PREX2: variants seen among roughly 807,000 people sequenced by gnomAD.
The protein encoded by PREX2 is phosphatidylinositol 3,4,5-trisphosphate-dependent Rac exchanger 2 protein.
PREX2 carries 107 observed loss-of-function variants against 203.2 expected under a neutral mutation model. The ratio of observed to expected loss-of-function variants is 0.53; its 90% CI spans 0.45 to 0.62. The LOEUF (loss-of-function observed/expected upper bound fraction) is 0.62. PREX2 is among the 20% of genes least tolerant of loss of function. The pLI, the probability that PREX2 is intolerant of heterozygous loss-of-function variation, is 0.00. For missense variants in PREX2, 1,777 were observed against 1,955.9 expected (o/e 0.91, Z 1.72); for synonymous variants, 672 against 663.6 (o/e 1.01, Z -0.19).
chr8:67,959,571 G>A (rs1320029543), intron 1 of PREX2, among the ~76,000 whole-genome samples: 1 of 152,160 alleles, frequency 6.6e-6, no homozygotes, highest in Non-Finnish European at 1.5e-5. Flanking sequence ...GGGAAGCATA[G>A]CAAGCACCCC....
chr8:68,200,100 A>G (rs1265696923), intron 37 of PREX2, among the ~76,000 whole-genome samples: 2 of 152,206 alleles, frequency 1.3e-5, no homozygotes, highest in African/African-American at 4.8e-5. Context: ...CAGTAACAAG[A>G]TTAGAGGAGA....
intron 14 of PREX2, among the ~76,000 whole-genome samples, chr8:68,076,685 T>TCACACACACA (rs57701553): frequency 0.046 from 6,573 of 143,506 alleles, 157 homozygotes; most frequent in East Asian, 0.069. Flanking sequence ...AACTCTAAGG[T>TCACACACACA]CACACACACA....
At chr8:68,044,445 T>C (rs1808284210) in intron 7 of PREX2, 42 bp from the exon 8 acceptor site, 2 of 1,364,572 alleles carry the variant, frequency 1.5e-6, no homozygotes, top group Non-Finnish European at 2.1e-6. Flanking sequence ...TTGTTTTACA[T>C]TGTTTAGTAA....
intron 37 of PREX2, among the ~76,000 whole-genome samples, chr8:68,197,982 C>T (rs1300040557): frequency 6.6e-6 from 1 of 151,822 alleles, no homozygotes; most frequent in Non-Finnish European, 1.5e-5. Flanking sequence ...CTATATGTTA[C>T]TGTTCAAATT....
At chr8:68,056,111 G>T in intron 10 of PREX2, 137 bp downstream of exon 10, 2 of 796,188 alleles carry the variant, frequency 2.5e-6, no homozygotes, top group Non-Finnish European at 4.0e-6. Flanking sequence ...GCCATTTCCT[G>T]GGCGGTAGCA....
intron 1 of PREX2, among the ~76,000 whole-genome samples, chr8:67,987,764 C>G (rs1183904824): frequency 6.6e-6 from 1 of 152,214 alleles, no homozygotes; most frequent in Non-Finnish European, 1.5e-5. Flanking sequence ...CTCTAAGCAT[C>G]TGTCTAGGAT....
At chr8:68,114,399 A>C (rs1195853152) in intron 25 of PREX2, 1 of 458,334 alleles carries the variant, frequency 2.2e-6, no homozygotes, top group East Asian at 6.3e-5. Flanking sequence ...TGAAAATCAC[A>C]GGTATTTAGT....
chr8:68,117,476 A>G (rs1203452225), intron 26 of PREX2, among the ~76,000 whole-genome samples: 1 of 152,184 alleles, frequency 6.6e-6, no homozygotes, highest in Non-Finnish European at 1.5e-5. Context: ...TAAGCATCCC[A>G]ACCTGCTCTT....
chr8:68,195,778 A>C (rs1296505422), intron 37 of PREX2, among the ~76,000 whole-genome samples: 1 of 152,210 alleles, frequency 6.6e-6, no homozygotes, highest in Non-Finnish European at 1.5e-5. Flanking sequence ...AAAAGTCAAC[A>C]ATGTGGTATC....
Position 68,232,316 on chromosome 8 carries a change from C to A in PREX2, c.*938C>A, listed in dbSNP as rs1013833020. 6 of 152,098 alleles carry A rather than the reference C, an allele frequency of 3.9e-5. No homozygotes were observed. Among genetic ancestry groups the A allele is most frequent in the Non-Finnish European group, 8.8e-5 (6 of 68,008 alleles). The allele number at this position is 152,098 out of a possible 1,614,324, so 9.4% of individuals were successfully genotyped here. A position where few individuals can be genotyped will look rare whatever the true frequency, so the allele number is the denominator to read the frequency against. On this transcript the variant is annotated 3_prime_UTR_variant, in exon 40 of 40. Coordinates refer to ENST00000288368, the MANE Select transcript of PREX2 (RefSeq NM_024870.4). ...AGAATACACCATCATGAGAATTTTT[C>A]TGTTAAGATATATGTATAAGATATG...
intron 1 of PREX2, among the ~76,000 whole-genome samples, chr8:67,974,868 G>T (rs180732453): frequency 6.6e-6 from 1 of 152,086 alleles, no homozygotes; most frequent in Non-Finnish European, 1.5e-5. Context: ...TAAACAATTG[G>T]ATATTAAGTT....
intron 1 of PREX2, among the ~76,000 whole-genome samples, chr8:67,985,828 A>C (rs975461841): frequency 3.3e-5 from 5 of 152,184 alleles, no homozygotes; most frequent in African/African-American, 1.2e-4. Context: ...CCTGTGGGCG[A>C]TGGGGCTGCT....
In PREX2 at chr8:68,042,641, A is replaced by G. The variant is rs536773935; in HGVS notation, c.840-1846A>G. 1.1e-4 allele frequency among the ~76,000 whole-genome samples: 16 copies of G among 152,248 alleles called. No individual in the cohort carries two copies. In the South Asian group the frequency reaches 3.3e-3, roughly 32 times the overall value. On this transcript the variant is annotated intron_variant, in intron 7 of 39. Transcript: ENST00000288368. ...TGTGTCCTGGTGACCATTGCAACAC[A>G]TAATTAGGAATTAAATAATAGAATC... is the stretch of plus-strand genomic sequence containing the variant.
In PREX2 at chr8:68,053,241, G is replaced by T; in HGVS notation, c.1088G>T (p.Arg363Leu). 1 of 1,613,426 alleles carries T rather than the reference G, an allele frequency of 6.2e-7. No homozygotes were observed. Among genetic ancestry groups the T allele is most frequent in the Non-Finnish European group, 8.5e-7 (1 of 1,179,514 alleles). ...FEAILKERER[R>L]KGLKLGMEQD... Reference sequence around the variant, plus strand: ...GCTATTTTGAAAGAAAGAGAACGGCGGAAAGGTGGGTGTATGAATTGGGCG... The same window carrying T: ...GCTATTTTGAAAGAAAGAGAACGGCTGAAAGGTGGGTGTATGAATTGGGCG... Residue 363 changes from arginine to leucine, a missense_variant, in exon 9 of 40, where the codon CGG (arginine) becomes CTG (leucine). Arg to Leu is a moderately radical substitution (Grantham distance 102). Transcript: ENST00000288368.
intron 1 of PREX2, among the ~76,000 whole-genome samples, chr8:68,017,229 T>C (rs1317303012): frequency 2.0e-5 from 3 of 152,016 alleles, no homozygotes; most frequent in Admixed American, 6.6e-5. Flanking sequence ...TTGCCTACCA[T>C]AGAGGTATGG....
chr8:68,231,360 C>A lies in PREX2; in HGVS notation c.4803C>A (p.Pro1601=). Residue 1601 remains proline, a synonymous_variant, in exon 40 of 40, where the codon CCC becomes CCA. Transcript: ENST00000288368. The part of the protein sequence containing the change: ...PRLYKLCEPP[P]PAGEE ...TGTACAAGCTGTGCGAGCCACCTCC[C>A]CCAGCTGGAGAAGAATGAAAAGAAC... 1 of 1,600,016 alleles carries A rather than the reference C, an allele frequency of 6.2e-7. No individual in the cohort carries two copies.
At chr8:68,013,876 A>G (rs1216572576) in intron 1 of PREX2, among the ~76,000 whole-genome samples, 2 of 152,164 alleles carry the variant, frequency 1.3e-5, no homozygotes, top group Non-Finnish European at 2.9e-5. Context: ...TGTTGGAGTA[A>G]TAAGGTTTAG....
intron 35 of PREX2, among the ~76,000 whole-genome samples, chr8:68,169,249 G>C (rs1290457622): frequency 6.6e-6 from 1 of 152,132 alleles, no homozygotes; most frequent in East Asian, 1.9e-4. Flanking sequence ...TGAAGGACCT[G>C]GGGAGGCAAT....
chr8:67,967,541 T>C (rs1805809039), intron 1 of PREX2, among the ~76,000 whole-genome samples: 3 of 152,180 alleles, frequency 2.0e-5, no homozygotes, highest in African/African-American at 7.2e-5. Context: ...CCCAGCACGC[T>C]GTGCAGTTGG....
Sources: allele counts gnomAD v4.1 joint callset (sites outside exome capture counted in the v4.1 genomes callset), GRCh38; gene constraint gnomAD v4.1.1; transcripts MANE v1.5; gene names NCBI Gene and HGNC (gene_info 2026-07-23, HGNC 2026-07-21).